The following AKAP6 variants were observed in gnomAD, a reference collection of about 807,000 sequenced individuals.
The protein encoded by AKAP6 is A-kinase anchoring protein 6.
AKAP6 carries 58 observed loss-of-function variants against 188.5 expected under a neutral mutation model. The ratio of observed to expected loss-of-function variants is 0.31; its 90% CI spans 0.25 to 0.38. The LOEUF (loss-of-function observed/expected upper bound fraction) is 0.38. AKAP6 is among the 10% of genes least tolerant of loss of function. AKAP6 has a pLI of 1.00. For missense variants in AKAP6, 2,710 were observed against 2,740.0 expected, an observed-to-expected ratio of 0.99 and a Z score of 0.24; for synonymous variants, 989 against 998.6, an observed-to-expected ratio of 0.99 and a Z score of 0.18.
At chr14:32,571,490 G>A (rs1286342840) in intron 4 of AKAP6, among the ~76,000 whole-genome samples, 5 of 152,036 alleles carry the variant, frequency 3.3e-5, no homozygotes, top group African/African-American at 1.2e-4. Flanking sequence ...TGATCATGCC[G>A]CTGCACTCTA....
At chr14:32,348,570 A>G (rs1034796839) in intron 1 of AKAP6, among the ~76,000 whole-genome samples, 1 of 151,710 alleles carries the variant, frequency 6.6e-6, no homozygotes, top group South Asian at 2.1e-4. Flanking sequence ...GTGCTCCACC[A>G]CGCATGCTAA....
At chr14:32,602,838 G>A (rs1032972966) in intron 7 of AKAP6, among the ~76,000 whole-genome samples, 1 of 152,186 alleles carries the variant, frequency 6.6e-6, no homozygotes, top group Non-Finnish European at 1.5e-5. Flanking sequence ...AGAGCTGGGA[G>A]CCCTTTGATC....
chr14:32,679,511 C>A (rs1470885951), intron 8 of AKAP6, among the ~76,000 whole-genome samples: 2 of 152,100 alleles, frequency 1.3e-5, no homozygotes, highest in African/African-American at 4.8e-5. Flanking sequence ...CCTTTTCATG[C>A]ACTGGTTTGC....
At chr14:32,756,835 G>A (rs1181555911) in intron 11 of AKAP6, among the ~76,000 whole-genome samples, 2 of 152,122 alleles carry the variant, frequency 1.3e-5, no homozygotes, top group Non-Finnish European at 2.9e-5. Flanking sequence ...TGGGACAGTG[G>A]ATAGCAGCCT....
In AKAP6 at chr14:32,822,069, G is replaced by C; in HGVS notation, c.4256G>C (p.Ser1419Thr). 1 of 1,613,936 alleles carries C rather than the reference G, an allele frequency of 6.2e-7. No homozygotes were observed. Among genetic ancestry groups the C allele is most frequent in the Admixed American group, 1.7e-5 (1 of 59,928 alleles). The change falls in exon 13 of 14, where the codon AGC becomes ACC. Residue 1419 changes from serine (S) to threonine (T), a missense_variant. This residue lies in a region of AKAP6 where 2,473 missense variants were observed against 2,426.1 expected (regional missense o/e 1.02). Transcript: ENST00000280979. ...CAAAAATTTACAGATGAGGGGGAAAGCATTAAGCTTCCAAATAGCTCTCAG... is the reference window on the plus strand; with the variant it reads ...CAAAAATTTACAGATGAGGGGGAAACCATTAAGCTTCCAAATAGCTCTCAG... ...LKQKFTDEGE[S>T]IKLPNSSQSS...
At chr14:32,589,855 A>C (rs1231974629) in intron 5 of AKAP6, among the ~76,000 whole-genome samples, 1 of 152,172 alleles carries the variant, frequency 6.6e-6, no homozygotes, top group African/African-American at 2.4e-5. Context: ...GCCTCACACT[A>C]TGAGGCTCCA....
chr14:32,466,111 C>T (rs1348626364), intron 2 of AKAP6, among the ~76,000 whole-genome samples: 2 of 152,140 alleles, frequency 1.3e-5, no homozygotes, highest in Non-Finnish European at 2.9e-5. Context: ...AATAGGAATG[C>T]TTTTATCCTG....
intron 7 of AKAP6, among the ~76,000 whole-genome samples, chr14:32,626,341 T>C (rs745892288): frequency 2.0e-5 from 3 of 152,138 alleles, no homozygotes; most frequent in Admixed American, 1.3e-4. Flanking sequence ...TGGCTTTTAA[T>C]TGGCTCTCAG....
At chr14:32,758,561 C>A (rs1047738910) in intron 11 of AKAP6, among the ~76,000 whole-genome samples, 3 of 152,052 alleles carry the variant, frequency 2.0e-5, no homozygotes, top group Non-Finnish European at 4.4e-5. Context: ...TGGAGAAACC[C>A]CATCTCTACT....
intron 12 of AKAP6, among the ~76,000 whole-genome samples, chr14:32,778,649 C>T (rs528558695): frequency 1.8e-4 from 28 of 151,902 alleles, no homozygotes; most frequent in African/African-American, 6.0e-4. Flanking sequence ...TGGGTGCAAG[C>T]AGGTCTCCTG....
intron 12 of AKAP6, among the ~76,000 whole-genome samples, chr14:32,797,652 G>C (rs2033811089): frequency 6.6e-6 from 1 of 152,152 alleles, no homozygotes; most frequent in South Asian, 2.1e-4. Flanking sequence ...AGAGCATCAG[G>C]ATGAATAGCT....
chr14:32,396,490 A>T (rs9888599), intron 1 of AKAP6, among the ~76,000 whole-genome samples: 113,891 of 152,054 alleles, frequency 0.75, 45,270 homozygotes, highest in Admixed American at 0.88. Flanking sequence ...CCCTAGATGC[A>T]GGTATGGACC....
At position 32,528,036 on chromosome 14, in the gene AKAP6, A is replaced by G. The variant is rs564087354; in HGVS notation, c.325-7518A>G. 3.3e-5 allele frequency among the ~76,000 whole-genome samples: 5 copies of G among 152,300 alleles called. No individual in the cohort carries two copies. In the South Asian group the frequency reaches 1.0e-3, roughly 32 times the overall value. On this transcript the variant is annotated intron_variant, in intron 2 of 13. Transcript: ENST00000280979. ...AAAAGTCATTGCCAAACCCAAGGTA[A>G]TCTAGATTTTCTTCTATGATATCTT...
chr14:32,477,695 T>C (rs1879143760), intron 2 of AKAP6, among the ~76,000 whole-genome samples: 1 of 152,236 alleles, frequency 6.6e-6, no homozygotes, highest in Admixed American at 6.5e-5. Context: ...AGCCAGATCT[T>C]TTCAGTAATG....
At chr14:32,744,993 T>G (rs1455013900) in intron 11 of AKAP6, among the ~76,000 whole-genome samples, 1 of 152,202 alleles carries the variant, frequency 6.6e-6, no homozygotes, top group Non-Finnish European at 1.5e-5. Context: ...GGTAGAATTC[T>G]GAATTCCTTC....
chr14:32,699,212 G>C (rs1047572423), intron 9 of AKAP6, among the ~76,000 whole-genome samples: 1 of 152,084 alleles, frequency 6.6e-6, no homozygotes, highest in African/African-American at 2.4e-5. Flanking sequence ...TAGAAAATCA[G>C]CTAGCCTTAC....
chr14:32,811,994 G>A (rs926997505), intron 12 of AKAP6, among the ~76,000 whole-genome samples: 1 of 152,126 alleles, frequency 6.6e-6, no homozygotes. Context: ...TTTAAAAAAT[G>A]TAAGTTTTTA....
chr14:32,745,483 CTCTCTCTCTCTCTG>C (rs1378620658), intron 11 of AKAP6, among the ~76,000 whole-genome samples: 12 of 105,646 alleles, frequency 1.1e-4, no homozygotes, highest in Non-Finnish European at 1.8e-4. Flanking sequence ...CTCTCTCTCT[CTCTCTCTCTCTCTG>C]TCTCTCTCTC....
chr14:32,716,475 G>A (rs1353953945), intron 9 of AKAP6, among the ~76,000 whole-genome samples: 1 of 150,430 alleles, frequency 6.6e-6, no homozygotes, highest in East Asian at 1.9e-4. Flanking sequence ...ATATACTATA[G>A]TATACACTAT....
Sources: allele counts gnomAD v4.1 joint callset (sites outside exome capture counted in the v4.1 genomes callset), GRCh38; gene constraint gnomAD v4.1.1; regional missense constraint gnomAD v4.1.1; transcripts MANE v1.5; gene names NCBI Gene and HGNC (gene_info 2026-07-23, HGNC 2026-07-21).